The following COL4A1 variants were observed in gnomAD, a reference collection of about 807,000 sequenced individuals.
COL4A1 encodes the protein collagen alpha-1(IV) chain.
Under a neutral mutation model 216.6 loss-of-function variants are expected in COL4A1, and 40 were observed. The ratio of observed to expected loss-of-function variants is 0.18; its 90% CI spans 0.14 to 0.24. The LOEUF is 0.24. Ranked by LOEUF, COL4A1 falls within the 10% of genes least tolerant of loss-of-function variation. The pLI, the probability that COL4A1 is intolerant of heterozygous loss-of-function variation, is 1.00. For synonymous variants in COL4A1, 839 were observed against 810.7 expected (o/e 1.03, Z -0.59); for missense variants, 1,628 against 2,196.8 (o/e 0.74, Z 5.18).
intron 16 of COL4A1, 28 bp from the exon 17 acceptor site, chr13:110,205,434 G>A (rs200599910): frequency 1.1e-5 from 18 of 1,614,124 alleles, no homozygotes; most frequent in South Asian, 7.7e-5. Context: ...AGCAGTAACC[G>A]TCAGAGGCCA....
At position 110,159,722 on chromosome 13, in the gene COL4A1, T is replaced by C. The variant is rs570453023; in HGVS notation, c.4640+1470A>G. On this transcript the variant is annotated intron_variant, in intron 49 of 51. Coordinates refer to ENST00000375820, the MANE Select transcript of COL4A1 (RefSeq NM_001845.6). ...ACCTAAGTGTCCAGTGACAGAGGAA[T>C]GGAGAAACAAAACGTGGCACCTATG... Among the ~76,000 whole-genome samples, 8 of 152,282 alleles carry C rather than the reference T, an allele frequency of 5.3e-5. 1 individual carries two copies. The highest frequency in any genetic ancestry group is 1.9e-4 in the African/African-American group (8 of 41,548).
intron 1 of COL4A1, among the ~76,000 whole-genome samples, chr13:110,301,792 C>G (rs1884503496): frequency 6.6e-6 from 1 of 152,066 alleles, no homozygotes; most frequent in Non-Finnish European, 1.5e-5. Context: ...TTACAGTTAC[C>G]AAAGCCGTAT....
At chr13:110,295,617 G>C (rs1884246876) in intron 1 of COL4A1, among the ~76,000 whole-genome samples, 1 of 151,922 alleles carries the variant, frequency 6.6e-6, no homozygotes, top group Admixed American at 6.6e-5. Context: ...GTAGAGACAA[G>C]GTTTCACCAC....
At chr13:110,161,735 C>T (rs1877095260) in intron 48 of COL4A1, among the ~76,000 whole-genome samples, 1 of 152,200 alleles carries the variant, frequency 6.6e-6, no homozygotes, top group African/African-American at 2.4e-5. Flanking sequence ...AAAATTAAAA[C>T]ACAGTTTGGT....
chr13:110,210,088 G>A (rs1272983077), intron 9 of COL4A1, 41 bp downstream of exon 9: 1 of 1,613,676 alleles, frequency 6.2e-7, no homozygotes, highest in East Asian at 2.2e-5. Flanking sequence ...AACTGGGAGG[G>A]TGAGGTGGCA....
At chr13:110,188,768 C>T (rs955544598) in intron 24 of COL4A1, among the ~76,000 whole-genome samples, 2 of 152,160 alleles carry the variant, frequency 1.3e-5, no homozygotes, top group Admixed American at 1.3e-4. Flanking sequence ...GTGGGACTAA[C>T]CTAAATGGAG....
chr13:110,192,145 G>T, intron 24 of COL4A1, 69 bp downstream of exon 24: 1 of 1,521,958 alleles, frequency 6.6e-7, no homozygotes. Context: ...AATGCAAAAC[G>T]ACACAACTCT....
intron 49 of COL4A1, among the ~76,000 whole-genome samples, chr13:110,160,470 A>G (rs2138426832): frequency 6.9e-6 from 1 of 145,804 alleles, no homozygotes; most frequent in South Asian, 2.2e-4. Context: ...AAAAAAATTC[A>G]TAGGGGCAGG....
At position 110,195,024 on chromosome 13, in the gene COL4A1, T is replaced by C. The variant is rs749749235; in HGVS notation, c.1380A>G (p.Lys460=). ...QPGFIGEIGE[K]GQKGESCLIC... ...TTTAAAAAAATCAAAATTTCTTACC[T>C]TTCTCTCCAATTTCGCCTATAAATC... Residue 460 remains lysine (K), a splice_region_variant and synonymous_variant, in exon 22 of 52, where the codon AAA becomes AAG. Transcript: ENST00000375820. The C allele has an allele frequency of 1.9e-6, 3 of 1,613,598 alleles. No individual in the cohort carries two copies. The highest frequency in any genetic ancestry group is 4.5e-5 in the East Asian group (2 of 44,880).
intron 28 of COL4A1, among the ~76,000 whole-genome samples, chr13:110,182,400 G>A (rs550634228): frequency 2.2e-4 from 33 of 152,280 alleles, no homozygotes; most frequent in African/African-American, 7.7e-4. Flanking sequence ...TACACAACAC[G>A]TCCCTTTTGT....
intron 10 of COL4A1, chr13:110,209,718 G>A (rs1489670940): frequency 9.8e-6 from 7 of 717,518 alleles, no homozygotes; most frequent in Admixed American, 1.9e-5. Flanking sequence ...GCAGTACCCC[G>A]CCAGCCCCTT....
intron 4 of COL4A1, 43 bp from the exon 5 acceptor site, chr13:110,212,661 A>C (rs1879870730): frequency 4.3e-6 from 7 of 1,610,050 alleles, no homozygotes; most frequent in Non-Finnish European, 5.9e-6. Context: ...AGAGCCGGGA[A>C]GCCTCACTTC....
chr13:110,165,851 T>G lies in COL4A1; in HGVS notation c.4021+381A>C, dbSNP rs1039575365. Among the ~76,000 whole-genome samples, 9 of 152,300 alleles carry G rather than the reference T, an allele frequency of 5.9e-5. No homozygotes were observed. The East Asian group carries it at 1.5e-3, about 26-fold the overall frequency. Reference sequence around the variant, plus strand: ...ACCTTTCCCAGGAAGAATTCTTTACTGTGCAGCAGGAATGCACTCCGTCTC... The same window carrying G: ...ACCTTTCCCAGGAAGAATTCTTTACGGTGCAGCAGGAATGCACTCCGTCTC... On this transcript the variant is annotated intron_variant, in intron 45 of 51. Transcript: ENST00000375820.
rs762125888 is a variant in COL4A1 at position 110,210,186 on chromosome 13, A to G, written c.495T>C (p.His165=). Residue 165 remains histidine (H), a synonymous_variant, in exon 9 of 52, where the codon CAT becomes CAC. Coordinates refer to ENST00000375820, the MANE Select transcript of COL4A1 (RefSeq NM_001845.6). ...MKGDPGEILG[H]VPGMLLKGER... is the part of the protein sequence containing the mutation. ...CACCTTTCAACAGCATCCCGGGCAC[A>G]TGGCCAAGTATCTCACCTGGATCAC... The G allele has an allele frequency of 5.6e-6, 9 of 1,613,840 alleles. No homozygotes were observed. Among genetic ancestry groups the G allele is most frequent in the Non-Finnish European group, 7.6e-6 (9 of 1,180,032 alleles).
chr13:110,249,502 C>A (rs1009861263), intron 1 of COL4A1, among the ~76,000 whole-genome samples: 4 of 152,124 alleles, frequency 2.6e-5, no homozygotes. Context: ...CAAGCTGAAG[C>A]AGGCACAAAA....
chr13:110,179,447 G>A lies in COL4A1; in HGVS notation c.2194-26C>T. ...CTGAAAATCCCCAAAGCACAGAGAAGCAAATTGATTTGCAAAGTCAGTATT... is the reference window on the plus strand; with the variant it reads ...CTGAAAATCCCCAAAGCACAGAGAAACAAATTGATTTGCAAAGTCAGTATT... On this transcript the variant is annotated intron_variant, in intron 29 of 51. Coordinates refer to ENST00000375820, the MANE Select transcript of COL4A1 (RefSeq NM_001845.6). 3 of 1,613,994 alleles carry A rather than the reference G, an allele frequency of 1.9e-6. No homozygotes were observed. In the Admixed American group the frequency reaches 5.0e-5, roughly 27 times the overall value.
intron 1 of COL4A1, among the ~76,000 whole-genome samples, chr13:110,276,149 T>C (rs530020546): frequency 3.3e-4 from 50 of 152,054 alleles, no homozygotes; most frequent in Admixed American, 7.2e-4. Flanking sequence ...GGAGAGGCCA[T>C]GCGTGTGCCC....
chr13:110,214,978 T>C (rs1271925519), intron 2 of COL4A1, among the ~76,000 whole-genome samples: 1 of 152,232 alleles, frequency 6.6e-6, no homozygotes, highest in Non-Finnish European at 1.5e-5. Context: ...CACAATCCTT[T>C]ATATGTACTT....
intron 1 of COL4A1, among the ~76,000 whole-genome samples, chr13:110,260,969 G>A (rs1195017969): frequency 7.3e-5 from 10 of 136,538 alleles, no homozygotes; most frequent in East Asian, 6.8e-4. Flanking sequence ...CCCGAGAAGT[G>A]GAGCTTGCAG....
Sources: gnomAD v4.1 joint callset for allele counts (sites outside exome capture counted in the v4.1 genomes callset) on GRCh38, gnomAD v4.1.1 for gene constraint, MANE v1.5 for transcripts, NCBI Gene and HGNC (gene_info 2026-07-23, HGNC 2026-07-21) for gene names.